Variants in LRMDA observed in about 807,000 individuals in gnomAD.
LRMDA encodes the protein leucine rich melanocyte differentiation associated.
LRMDA carries 18 observed loss-of-function variants against 29.8 expected under a neutral mutation model. That is an observed-to-expected ratio of 0.60 (90% CI 0.42 to 0.90). The LOEUF (loss-of-function observed/expected upper bound fraction) is 0.90, where lower values mean the gene tolerates loss of function less well. Among genes scored for constraint, LRMDA ranks in the 40% least tolerant of loss-of-function variants. LRMDA has a pLI of 0.00. For synonymous variants in LRMDA, 125 were observed against 109.4 expected, an observed-to-expected ratio of 1.14 and a Z score of -0.89; for missense variants, 273 against 273.9, an observed-to-expected ratio of 1.00 and a Z score of 0.02.
At chr10:76,350,137 A>G (rs553417352) in intron 6 of LRMDA, among the ~76,000 whole-genome samples, 1 of 151,764 alleles carries the variant, frequency 6.6e-6, no homozygotes, top group Non-Finnish European at 1.5e-5. Context: ...GAAAATGAAA[A>G]ACTCAAAATG....
intron 5 of LRMDA, among the ~76,000 whole-genome samples, chr10:76,135,619 C>A (rs965390489): frequency 6.6e-6 from 1 of 151,530 alleles, no homozygotes; most frequent in Non-Finnish European, 1.5e-5. Flanking sequence ...AGGGTTGGTT[C>A]CTTCTGAGCG....
At position 75,937,562 on chromosome 10, in the gene LRMDA, C is replaced by A. The variant is rs561025323; in HGVS notation, c.132-98446C>A. On this transcript the variant is annotated intron_variant, in intron 2 of 6. Coordinates refer to ENST00000611255, the MANE Select transcript of LRMDA (RefSeq NM_001305581.2). ...CCCCCCGTAACTCAAGCATGTGCACCATCGAGTTGCCAAAAGCTCTCCAAT... is the reference window on the plus strand; with the variant it reads ...CCCCCCGTAACTCAAGCATGTGCACAATCGAGTTGCCAAAAGCTCTCCAAT... Among the ~76,000 whole-genome samples the A allele has an allele frequency of 3.3e-5, 5 of 152,306 alleles. No homozygotes were observed. In the South Asian group the frequency reaches 1.0e-3, roughly 32 times the overall value.
At chr10:76,005,534 G>A (rs909556157) in intron 2 of LRMDA, among the ~76,000 whole-genome samples, 2 of 152,162 alleles carry the variant, frequency 1.3e-5, no homozygotes, top group Non-Finnish European at 2.9e-5. Context: ...GAGCACTTGA[G>A]CCCAGGAGTT....
intron 6 of LRMDA, among the ~76,000 whole-genome samples, chr10:76,383,780 C>T (rs1263096167): frequency 6.6e-6 from 1 of 152,130 alleles, no homozygotes; most frequent in African/African-American, 2.4e-5. Context: ...GAAGGCCCTG[C>T]CGTACAATCT....
At chr10:76,503,590 T>C (rs1842932555) in intron 6 of LRMDA, among the ~76,000 whole-genome samples, 1 of 151,948 alleles carries the variant, frequency 6.6e-6, no homozygotes, top group African/African-American at 2.4e-5. Context: ...ATCCATTTCC[T>C]GTAGATTTTC....
At chr10:76,077,992 ATTTTTTTTTTTTTTTTTTTTTTT>A (rs756023731) in intron 5 of LRMDA, among the ~76,000 whole-genome samples, 33 of 48,084 alleles carry the variant, frequency 6.9e-4, no homozygotes, top group African/African-American at 2.4e-3. Flanking sequence ...CAATATTAAC[ATTTTTTTTTTTTTTTTTTTTTTT>A]TTTTTTTTTT....
chr10:76,378,246 C>T (rs12356246), intron 6 of LRMDA, among the ~76,000 whole-genome samples: 45,418 of 152,016 alleles, frequency 0.3, 8,754 homozygotes, highest in Non-Finnish European at 0.43. Flanking sequence ...TTATTCTGAA[C>T]TTTACTGAAG....
chr10:76,168,543 A>G (rs1045282343), intron 5 of LRMDA, among the ~76,000 whole-genome samples: 5 of 152,186 alleles, frequency 3.3e-5, no homozygotes, highest in Non-Finnish European at 5.9e-5. Flanking sequence ...GATGATCTGA[A>G]TCATCAATTT....
In LRMDA at chr10:76,496,190, T is replaced by A. The variant is rs1354337699; in HGVS notation, c.602-61019T>A. 5.3e-5 allele frequency among the ~76,000 whole-genome samples: 4 copies of A among 75,182 alleles called. 2 individuals carry two copies. Among genetic ancestry groups the A allele is most frequent in the African/African-American group, 1.3e-4 (4 of 30,890 alleles). The allele number at this position is 75,182 out of a possible 152,430, so 49.3% of individuals were successfully genotyped here. A position where few individuals can be genotyped will look rare whatever the true frequency, so the allele number is the denominator to read the frequency against. Reference sequence around the variant, plus strand: ...TGAACTATCCCAGCTCTGTGTAATGTCTGAAGATTGTTTCCTCTGGTCCTT... The same window carrying A: ...TGAACTATCCCAGCTCTGTGTAATGACTGAAGATTGTTTCCTCTGGTCCTT... On this transcript the variant is annotated intron_variant, in intron 6 of 6. Coordinates refer to ENST00000611255, the MANE Select transcript of LRMDA (RefSeq NM_001305581.2).
At chr10:75,868,291 C>T (rs1845052994) in intron 2 of LRMDA, among the ~76,000 whole-genome samples, 2 of 152,174 alleles carry the variant, frequency 1.3e-5, no homozygotes, top group Admixed American at 6.5e-5. Flanking sequence ...CCACACCAAT[C>T]CCCCATTAAC....
chr10:76,315,720 G>T (rs372296305), intron 5 of LRMDA, among the ~76,000 whole-genome samples: 3 of 152,158 alleles, frequency 2.0e-5, no homozygotes, highest in African/African-American at 7.2e-5. Context: ...GCGGAAGGGG[G>T]TGGGTGCCCA....
intron 6 of LRMDA, among the ~76,000 whole-genome samples, chr10:76,547,494 C>CATTTATTTATTT (rs148952693): frequency 4.7e-4 from 71 of 151,870 alleles, no homozygotes; most frequent in Non-Finnish European, 7.2e-4. Context: ...TAGTTGCCGC[C>CATTTATTTATTT]ATTTATTTAT....
chr10:75,868,079 C>T (rs538279197), intron 2 of LRMDA, among the ~76,000 whole-genome samples: 9 of 152,152 alleles, frequency 5.9e-5, no homozygotes, highest in African/African-American at 2.2e-4. Flanking sequence ...CTAGATTGGG[C>T]CCATGAGCTT....
At chr10:76,164,885 A>G (rs142352826) in intron 5 of LRMDA, among the ~76,000 whole-genome samples, 38 of 152,362 alleles carry the variant, frequency 2.5e-4, no homozygotes, top group African/African-American at 8.7e-4. Context: ...TATGGATTAC[A>G]ACAGTGAACA....
chr10:75,686,246 G>A (rs567410285), intron 2 of LRMDA, among the ~76,000 whole-genome samples: 2 of 152,290 alleles, frequency 1.3e-5, no homozygotes, highest in African/African-American at 4.8e-5. Context: ...GTGATCATGT[G>A]AGTGGAAAGG....
intron 6 of LRMDA, among the ~76,000 whole-genome samples, chr10:76,344,319 A>C (rs901426927): frequency 6.6e-6 from 1 of 152,204 alleles, no homozygotes; most frequent in Admixed American, 6.5e-5. Flanking sequence ...TATTATAATC[A>C]AACATTAACA....
intron 2 of LRMDA, among the ~76,000 whole-genome samples, chr10:75,561,379 T>TA (rs1383576721): frequency 9.3e-5 from 14 of 149,884 alleles, no homozygotes; most frequent in Non-Finnish European, 1.5e-4. Flanking sequence ...TCAATGGTGA[T>TA]ATCCCCTTTA....
chr10:76,363,263 G>A (rs1841348906), intron 6 of LRMDA, among the ~76,000 whole-genome samples: 1 of 56,940 alleles, frequency 1.8e-5, no homozygotes, highest in African/African-American at 8.2e-5. Flanking sequence ...AAGAAGGAAG[G>A]AAGGAAGGAA....
chr10:76,152,436 T>C (rs1238492827), intron 5 of LRMDA, among the ~76,000 whole-genome samples: 1 of 152,234 alleles, frequency 6.6e-6, no homozygotes, highest in Non-Finnish European at 1.5e-5. Flanking sequence ...ATGGACATTT[T>C]GGTTATTTCT....
Sources: gnomAD v4.1 joint callset for allele counts (sites outside exome capture counted in the v4.1 genomes callset) on GRCh38, gnomAD v4.1.1 for gene constraint, MANE v1.5 for transcripts, NCBI Gene and HGNC (gene_info 2026-07-23, HGNC 2026-07-21) for gene names.